The following CNTNAP5 variants were observed in gnomAD, a reference collection of about 807,000 sequenced individuals.
CNTNAP5 encodes the protein contactin-associated protein-like 5.
Under a neutral mutation model 150.2 loss-of-function variants are expected in CNTNAP5, and 72 were observed. The ratio of observed to expected loss-of-function variants is 0.48; its 90% CI spans 0.40 to 0.58. The LOEUF (loss-of-function observed/expected upper bound fraction) is 0.58, where lower values mean the gene tolerates loss of function less well. Ranked by LOEUF, CNTNAP5 falls within the 20% of genes least tolerant of loss-of-function variation. CNTNAP5 has a pLI of 0.00. For missense variants in CNTNAP5, 1,636 were observed against 1,626.2 expected, an observed-to-expected ratio of 1.01 and a Z score of -0.10; for synonymous variants, 672 against 619.8, an observed-to-expected ratio of 1.08 and a Z score of -1.25.
chr2:124,435,191 C>G (rs1692497411), intron 5 of CNTNAP5, among the ~76,000 whole-genome samples: 1 of 152,112 alleles, frequency 6.6e-6, no homozygotes, highest in African/African-American at 2.4e-5. Context: ...TTTAGGTGCC[C>G]TCACTGTTCC....
chr2:124,651,487 C>A (rs1244238750), intron 13 of CNTNAP5, among the ~76,000 whole-genome samples: 1 of 152,138 alleles, frequency 6.6e-6, no homozygotes, highest in Non-Finnish European at 1.5e-5. Flanking sequence ...AGATCTGCAC[C>A]ATAAGAGTCA....
intron 12 of CNTNAP5, among the ~76,000 whole-genome samples, chr2:124,616,061 C>T (rs961281702): frequency 2.0e-5 from 3 of 151,992 alleles, no homozygotes; most frequent in African/African-American, 7.2e-5. Flanking sequence ...TTAGAGAGTA[C>T]AGGCAGAGTA....
At chr2:124,609,972 A>T in intron 12 of CNTNAP5, 52 bp downstream of exon 12, 1 of 1,554,752 alleles carries the variant, frequency 6.4e-7, no homozygotes, top group South Asian at 1.2e-5. Flanking sequence ...TCATGGAAGG[A>T]AGCAAAAATA....
intron 14 of CNTNAP5, among the ~76,000 whole-genome samples, chr2:124,749,377 C>CCCTTCCTTCCTTCCTT (rs201144835): frequency 6.8e-6 from 1 of 147,426 alleles, no homozygotes; most frequent in Non-Finnish European, 1.5e-5. Flanking sequence ...TTCCCTCTCT[C>CCCTTCCTTCCTTCCTT]CCTTCCTTCC....
intron 10 of CNTNAP5, among the ~76,000 whole-genome samples, chr2:124,527,775 ATTAC>A (rs1171329034): frequency 1.3e-5 from 2 of 152,192 alleles, no homozygotes; most frequent in Non-Finnish European, 2.9e-5. Flanking sequence ...GGAGGAAGGA[ATTAC>A]TTCTCTCCTA....
chr2:124,666,136 T>A (rs1678695609), intron 13 of CNTNAP5, among the ~76,000 whole-genome samples: 1 of 152,022 alleles, frequency 6.6e-6, no homozygotes, highest in South Asian at 2.1e-4. Context: ...TACAGTTTGG[T>A]TTTATACATT....
chr2:124,652,137 C>T (rs951979514), intron 13 of CNTNAP5, among the ~76,000 whole-genome samples: 8 of 152,194 alleles, frequency 5.3e-5, no homozygotes, highest in African/African-American at 1.9e-4. Flanking sequence ...CAATGGAATG[C>T]ATCCTCCATC....
chr2:124,215,491 A>C (rs1686132396), intron 1 of CNTNAP5, among the ~76,000 whole-genome samples: 1 of 152,206 alleles, frequency 6.6e-6, no homozygotes, highest in African/African-American at 2.4e-5. Flanking sequence ...TCAGTATTTA[A>C]CTGTATACAT....
At chr2:124,641,971 C>T (rs557305947) in intron 12 of CNTNAP5, among the ~76,000 whole-genome samples, 6 of 152,200 alleles carry the variant, frequency 3.9e-5, no homozygotes, top group Admixed American at 6.5e-5. Flanking sequence ...TTGCTTACAG[C>T]GTCTGTAATT....
Position 124,498,292 on chromosome 2 carries a change from T to C in CNTNAP5, c.1063-6000T>C, listed in dbSNP as rs548654488. On this transcript the variant is annotated intron_variant, in intron 7 of 23. Coordinates refer to ENST00000682447, the MANE Select transcript of CNTNAP5 (RefSeq NM_001367498.1). ...GCTGCATATAATTTCTCCCATTTTA[T>C]CTTCTGCAAGAAAGTTGCAACCATT... is the stretch of plus-strand genomic sequence containing the variant. Among the ~76,000 whole-genome samples, 61 of 152,302 alleles carry C rather than the reference T, an allele frequency of 4.0e-4. No individual in the cohort carries two copies. The Middle Eastern group carries it at 0.014, about 34-fold the overall frequency.
chr2:124,702,261 C>G (rs1679536896), intron 13 of CNTNAP5, among the ~76,000 whole-genome samples: 1 of 148,130 alleles, frequency 6.8e-6, no homozygotes, highest in Admixed American at 6.9e-5. Flanking sequence ...TTGTTGTCAT[C>G]CGATTTACAT....
chr2:124,761,826 G>A (rs963269841), intron 14 of CNTNAP5, among the ~76,000 whole-genome samples: 3 of 152,002 alleles, frequency 2.0e-5, no homozygotes, highest in African/African-American at 7.2e-5. Flanking sequence ...TCTGTTATTT[G>A]GAAGATAATT....
intron 1 of CNTNAP5, among the ~76,000 whole-genome samples, chr2:124,030,559 C>G (rs1403111252): frequency 6.6e-6 from 1 of 152,060 alleles, no homozygotes; most frequent in East Asian, 1.9e-4. Flanking sequence ...GGAAACTTGA[C>G]ATGGGTTCTT....
intron 3 of CNTNAP5, among the ~76,000 whole-genome samples, chr2:124,297,706 G>A (rs1171826988): frequency 6.6e-6 from 1 of 151,820 alleles, no homozygotes; most frequent in East Asian, 1.9e-4. Flanking sequence ...TTTCAATAAA[G>A]GTTTCACCAT....
intron 19 of CNTNAP5, among the ~76,000 whole-genome samples, chr2:124,830,335 T>C (rs1405875235): frequency 6.6e-6 from 1 of 152,200 alleles, no homozygotes; most frequent in East Asian, 1.9e-4. Flanking sequence ...TTTTCCTAGT[T>C]AATCAAAAAC....
chr2:124,620,266 C>G (rs1677583919), intron 12 of CNTNAP5, among the ~76,000 whole-genome samples: 1 of 152,042 alleles, frequency 6.6e-6, no homozygotes, highest in Non-Finnish European at 1.5e-5. Context: ...TTTCCTGTTT[C>G]CATAATCTAT....
chr2:124,894,414 A>C (rs1678261963), intron 21 of CNTNAP5, among the ~76,000 whole-genome samples: 1 of 151,574 alleles, frequency 6.6e-6, no homozygotes, highest in South Asian at 2.1e-4. Context: ...GTAAACCAGT[A>C]CACATGAGTC....
chr2:124,076,641 G>C (rs1682444667), intron 1 of CNTNAP5, among the ~76,000 whole-genome samples: 1 of 152,002 alleles, frequency 6.6e-6, no homozygotes, highest in Non-Finnish European at 1.5e-5. Context: ...TTTCTTCCCA[G>C]GTTGTCCCTT....
intron 1 of CNTNAP5, among the ~76,000 whole-genome samples, chr2:124,168,192 C>A (rs934804332): frequency 1.3e-5 from 2 of 152,124 alleles, no homozygotes; most frequent in Admixed American, 1.3e-4. Context: ...TATCAGGGAA[C>A]AGAAAACTGG....
Sources: allele counts gnomAD v4.1 joint callset (sites outside exome capture counted in the v4.1 genomes callset), GRCh38; gene constraint gnomAD v4.1.1; transcripts MANE v1.5; gene names NCBI Gene and HGNC (gene_info 2026-07-23, HGNC 2026-07-21).